ZC3H14: variants seen among roughly 807,000 people sequenced by gnomAD.
ZC3H14 encodes the protein zinc finger CCCH-type containing 14.
In ZC3H14, 31 loss-of-function variants were observed where a neutral mutation model predicts 92.4. The ratio of observed to expected loss-of-function variants is 0.34; its 90% CI spans 0.25 to 0.45. ZC3H14 has a LOEUF of 0.45. Ranked by LOEUF, ZC3H14 falls within the 20% of genes least tolerant of loss-of-function variation. The probability of loss-of-function intolerance (pLI) is 1.00; values close to 1 mark genes in which losing one functional copy is unlikely to be tolerated. For synonymous variants in ZC3H14, 321 were observed against 300.9 expected, an observed-to-expected ratio of 1.07 and a Z score of -0.69; for missense variants, 781 against 897.3, an observed-to-expected ratio of 0.87 and a Z score of 1.66.
chr14:88,624,858 G>GGAA lies in ZC3H14; in HGVS notation c.*13109_*13111dup, dbSNP rs34443018. 0.16 allele frequency: 187,468 copies of GGAA among 1,156,390 alleles called. 19,357 individuals are homozygous for GGAA. Among genetic ancestry groups the GGAA allele is most frequent in the East Asian group, 0.48 (18,533 of 38,392 alleles). The allele number at this position is 1,156,390 out of a possible 1,614,324, so 71.6% of individuals were successfully genotyped here. A position where few individuals can be genotyped will look rare whatever the true frequency, so the allele number is the denominator to read the frequency against. ...GTAATAAAGGAGAAGCATATGAGGAGGAAGGTCGGAGAGGACACTCTGTGT... is the reference window on the plus strand; with the variant it reads ...GTAATAAAGGAGAAGCATATGAGGAGGAAGAAGGTCGGAGAGGACACTCTGTGT... On this transcript the variant is annotated 3_prime_UTR_variant, in exon 17 of 17. Coordinates refer to ENST00000251038, the MANE Select transcript of ZC3H14 (RefSeq NM_024824.5).
At chr14:88,605,345 T>G (rs1014926268) in intron 12 of ZC3H14, among the ~76,000 whole-genome samples, 2 of 152,190 alleles carry the variant, frequency 1.3e-5, no homozygotes, top group African/African-American at 4.8e-5. Flanking sequence ...TACTGTTTTG[T>G]TTTTAGAAAG....
rs1371876565 is a variant in ZC3H14, at chr14:88,621,514, C to T, written c.*9763C>T. 10 of 587,662 alleles carry T rather than the reference C, an allele frequency of 1.7e-5. No individual in the cohort carries two copies. Among genetic ancestry groups the T allele is most frequent in the African/African-American group, 1.1e-4 (6 of 53,580 alleles). The allele number at this position is 587,662 out of a possible 1,614,324, so 36.4% of individuals were successfully genotyped here. ...AATGGGCTAGATTACATATTAGAGTCCATGCTACAGAATAGAACTTTTCTG... is the reference window on the plus strand; with the variant it reads ...AATGGGCTAGATTACATATTAGAGTTCATGCTACAGAATAGAACTTTTCTG... On this transcript the variant is annotated 3_prime_UTR_variant, in exon 17 of 17. Coordinates refer to ENST00000251038, the MANE Select transcript of ZC3H14 (RefSeq NM_024824.5).
rs994958664 is a variant in ZC3H14, at chr14:88,613,125, T to A, written c.*1374T>A. The A allele has an allele frequency of 1.1e-4, 17 of 152,286 alleles. No homozygotes were observed. Among genetic ancestry groups the A allele is most frequent in the Non-Finnish European group, 2.2e-4 (15 of 68,040 alleles). The allele number at this position is 152,286 out of a possible 1,614,324, so 9.4% of individuals were successfully genotyped here. The stretch of plus-strand genomic sequence containing the variant: ...GCTTTTCCATTGGGAGAAGAAAGAA[T>A]TAACCAGTCATTAAACCATTTGGTA... On this transcript the variant is annotated 3_prime_UTR_variant, in exon 17 of 17. Coordinates refer to ENST00000251038, the MANE Select transcript of ZC3H14 (RefSeq NM_024824.5).
intron 9 of ZC3H14, chr14:88,594,499 G>T (rs564033632): frequency 3.7e-5 from 51 of 1,374,352 alleles, no homozygotes; most frequent in Non-Finnish European, 4.6e-5. Context: ...GGTCTGGTAC[G>T]TTTAGCTTTT....
In ZC3H14 at chr14:88,618,486, G is replaced by C. The variant is rs1312745267; in HGVS notation, c.*6735G>C. On this transcript the variant is annotated 3_prime_UTR_variant, in exon 17 of 17. Coordinates refer to ENST00000251038, the MANE Select transcript of ZC3H14 (RefSeq NM_024824.5). ...ACTACAAAAACTTAATAGGAGAAAA[G>C]CTCTGATAAGTGGGGGAGGAAAGGG... 9.3e-7 allele frequency: 1 copy of C among 1,076,878 alleles called. No individual in the cohort carries two copies. The highest frequency in any genetic ancestry group is 1.6e-5 in the African/African-American group (1 of 62,886). 66.7% of individuals were successfully genotyped at this position (1,076,878 alleles called of 1,614,324 possible). A position where few individuals can be genotyped will look rare whatever the true frequency, so the allele number is the denominator to read the frequency against.
chr14:88,610,087 C>T (rs1452562838), intron 15 of ZC3H14, among the ~76,000 whole-genome samples: 1 of 151,882 alleles, frequency 6.6e-6, no homozygotes, highest in Admixed American at 6.6e-5. Flanking sequence ...TGGGTTTTAG[C>T]GGGGGCTGGG....
Position 88,618,157 on chromosome 14 carries a change from CA to C in ZC3H14, c.*6407del. 1.5e-6 allele frequency: 2 copies of C among 1,308,356 alleles called. No homozygotes were observed. The highest frequency in any genetic ancestry group is 2.2e-6 in the Non-Finnish European group (2 of 918,106). The allele number at this position is 1,308,356 out of a possible 1,614,324, so 81.0% of individuals were successfully genotyped here. ...CTATTCCTTATTGGAATGGCTCTAACAGTTCAGAAATAGGATTTTCTAACTG... is the reference window on the plus strand; with the variant it reads ...CTATTCCTTATTGGAATGGCTCTAACGTTCAGAAATAGGATTTTCTAACTG... On this transcript the variant is annotated 3_prime_UTR_variant, in exon 17 of 17. Coordinates refer to ENST00000251038, the MANE Select transcript of ZC3H14 (RefSeq NM_024824.5).
rs534861686 is a variant in ZC3H14, at chr14:88,599,171, GCCATTTCTT to G, written c.1354+2375_1354+2383del. Among the ~76,000 whole-genome samples, 22 of 152,106 alleles carry G rather than the reference GCCATTTCTT, an allele frequency of 1.4e-4. No individual in the cohort carries two copies. In the South Asian group the frequency reaches 3.7e-3, roughly 26 times the overall value. Reference sequence around the variant, plus strand: ...CATCTAATACACCTCTTTTTTGCCTGCCATTTCTTCCATTTCTTCCTAAGGTCCTTTTAC... The same window carrying G: ...CATCTAATACACCTCTTTTTTGCCTGCCATTTCTTCCTAAGGTCCTTTTAC... On this transcript the variant is annotated intron_variant, in intron 10 of 16. Coordinates refer to ENST00000251038, the MANE Select transcript of ZC3H14 (RefSeq NM_024824.5).
chr14:88,606,497 C>A (rs1418400531), intron 12 of ZC3H14, among the ~76,000 whole-genome samples: 1 of 152,100 alleles, frequency 6.6e-6, no homozygotes. Flanking sequence ...TGGCTGAGCG[C>A]GGTGGCTCAT....
chr14:88,600,933 A>G (rs1357496485), intron 10 of ZC3H14, among the ~76,000 whole-genome samples: 1 of 151,688 alleles, frequency 6.6e-6, no homozygotes, highest in African/African-American at 2.4e-5. Flanking sequence ...CTTTCCTTCT[A>G]CGTGCGTTTT....
At chr14:88,600,310 A>G (rs1382577775) in intron 10 of ZC3H14, among the ~76,000 whole-genome samples, 1 of 152,198 alleles carries the variant, frequency 6.6e-6, no homozygotes, top group African/African-American at 2.4e-5. Flanking sequence ...GAATCTTTTC[A>G]TTCAGAGCCT....
At position 88,613,202 on chromosome 14, in the gene ZC3H14, C is replaced by T. The variant is rs2087080196; in HGVS notation, c.*1451C>T. The T allele has an allele frequency of 6.6e-6, 1 of 152,134 alleles. No individual in the cohort carries two copies. The highest frequency in any genetic ancestry group is 1.5e-5 in the Non-Finnish European group (1 of 68,040). The allele number at this position is 152,134 out of a possible 1,614,324, so 9.4% of individuals were successfully genotyped here. Reference sequence around the variant, plus strand: ...CAGGAAAGGCTTGAAACACGAGAAGCAGCAAAGACAGAGCACACAAGTGCA... The same window carrying T: ...CAGGAAAGGCTTGAAACACGAGAAGTAGCAAAGACAGAGCACACAAGTGCA... On this transcript the variant is annotated 3_prime_UTR_variant, in exon 17 of 17. Coordinates refer to ENST00000251038, the MANE Select transcript of ZC3H14 (RefSeq NM_024824.5).
chr14:88,593,639 T>C (rs2083428855), intron 9 of ZC3H14, among the ~76,000 whole-genome samples: 1 of 152,154 alleles, frequency 6.6e-6, no homozygotes, highest in African/African-American at 2.4e-5. Context: ...AATAGGTTTT[T>C]CCACAGGTGA....
chr14:88,613,627 G>A lies in ZC3H14; in HGVS notation c.*1876G>A, dbSNP rs766262918. The A allele has an allele frequency of 3.9e-5, 6 of 152,080 alleles. No individual in the cohort carries two copies. The highest frequency in any genetic ancestry group is 5.9e-5 in the Non-Finnish European group (4 of 68,006). The allele number at this position is 152,080 out of a possible 1,614,324, so 9.4% of individuals were successfully genotyped here. On this transcript the variant is annotated 3_prime_UTR_variant, in exon 17 of 17. Transcript: ENST00000251038. Reference sequence around the variant, plus strand: ...CATAAAACATTTGTTGGATGACGTGGTTTAAAATGATCACCACAAAAAGGG... The same window carrying A: ...CATAAAACATTTGTTGGATGACGTGATTTAAAATGATCACCACAAAAAGGG...
rs144376305 is a variant in ZC3H14 at position 88,594,797 on chromosome 14, G to A, written c.1280-1937G>A. 58 of 1,613,902 alleles carry A rather than the reference G, an allele frequency of 3.6e-5. No individual in the cohort carries two copies. In the Admixed American group the frequency reaches 5.3e-4, roughly 15 times the overall value. On this transcript the variant is annotated intron_variant, in intron 9 of 16. Transcript: ENST00000251038. ...CTTCCACCGGAGCCAGTGGACTTAG[G>A]TTCCATAACAAGCTCCTCTTGTTCA...
At chr14:88,568,190 T>G in intron 3 of ZC3H14, 37 bp downstream of exon 3, 1 of 1,556,124 alleles carries the variant, frequency 6.4e-7, no homozygotes, top group Non-Finnish European at 8.9e-7. Context: ...GACCAAAGTT[T>G]GGCACAAGCC....
chr14:88,594,493 T>A, intron 9 of ZC3H14: 1 of 1,360,434 alleles, frequency 7.4e-7, no homozygotes, highest in Non-Finnish European at 9.5e-7. Flanking sequence ...GCAATTGGTC[T>A]GGTACGTTTA....
chr14:88,576,552 G>C (rs190252006), intron 8 of ZC3H14, among the ~76,000 whole-genome samples: 1 of 152,210 alleles, frequency 6.6e-6, no homozygotes, highest in Non-Finnish European at 1.5e-5. Context: ...ATTCTGAAAT[G>C]CAAACAACTG....
chr14:88,618,285 C>T lies in ZC3H14; in HGVS notation c.*6534C>T. ...AGCGGCATGATCCATAAGATGTTTT[C>T]CTGAAGGCACTTCATAGACATGCCG... On this transcript the variant is annotated 3_prime_UTR_variant, in exon 17 of 17. Transcript: ENST00000251038. The T allele has an allele frequency of 6.2e-7, 1 of 1,613,798 alleles. No individual in the cohort carries two copies.
Sources: gnomAD v4.1 joint callset for allele counts (sites outside exome capture counted in the v4.1 genomes callset) on GRCh38, gnomAD v4.1.1 for gene constraint, MANE v1.5 for transcripts, NCBI Gene and HGNC (gene_info 2026-07-23, HGNC 2026-07-21) for gene names.